SPATA13: variants seen among roughly 807,000 people sequenced by gnomAD.
SPATA13 encodes the protein spermatogenesis associated 13, also known as spermatogenesis-associated protein 13.
SPATA13 carries 50 observed loss-of-function variants against 104.0 expected under a neutral mutation model. That is an observed-to-expected ratio of 0.48 (90% confidence interval 0.38 to 0.61). SPATA13 has a LOEUF of 0.61. Among genes scored for constraint, SPATA13 ranks in the 20% least tolerant of loss-of-function variants. The pLI is 0.00. For missense variants in SPATA13, 1,524 were observed against 1,690.6 expected (o/e 0.90, Z 1.73); for synonymous variants, 606 against 667.5 (o/e 0.91, Z 1.42).
chr13:24,237,397 A>C (rs1872623286), intron 2 of SPATA13, among the ~76,000 whole-genome samples: 1 of 152,198 alleles, frequency 6.6e-6, no homozygotes, highest in Non-Finnish European at 1.5e-5. Context: ...ATGCTGCAGC[A>C]TGGCTGAACC....
rs886934434 is a variant in SPATA13 at position 24,294,840 on chromosome 13, G to A, written c.3182G>A (p.Arg1061His). The A allele has an allele frequency of 4.3e-6, 7 of 1,610,206 alleles. No individual in the cohort carries two copies. Among genetic ancestry groups the A allele is most frequent in the South Asian group, 3.3e-5 (3 of 90,972 alleles). The stretch of plus-strand genomic sequence containing the variant: ...CTGGAGAGCATCGACAAGATAGCTC[G>A]CTGGCAGGTGTCTATCGTGGGCTGG... ...RKLESIDKIARWQVSIVGWEG... is the reference protein window; with the variant it reads ...RKLESIDKIAHWQVSIVGWEG... Residue 1061 changes from arginine to histidine, a missense_variant, in exon 10 of 13, where the codon CGC (arginine) becomes CAC (histidine). Around this residue, in one of 2 missense-constraint regions of SPATA13, gnomAD observed 435 missense variants for 554.8 expected, o/e 0.78. Transcript: ENST00000382108.
intron 3 of SPATA13, among the ~76,000 whole-genome samples, chr13:24,078,120 C>T (rs1461372943): frequency 2.0e-5 from 3 of 152,190 alleles, no homozygotes; most frequent in Non-Finnish European, 4.4e-5. Flanking sequence ...GAGCTCTGCA[C>T]AGCTGCCTGC....
At chr13:24,158,855 G>A (rs965234675), upstream of SPATA13, among the ~76,000 whole-genome samples, 12 of 152,190 alleles carry the variant, frequency 7.9e-5, no homozygotes, top group Non-Finnish European at 1.5e-4. Context: ...GGCTTGTACA[G>A]GGCCTCAAGG....
At position 24,084,134 on chromosome 13, in the gene SPATA13, C is replaced by A. The variant is rs374790490; in HGVS notation, c.-112+66433C>A. Reference sequence around the variant, plus strand: ...CGTGACTAGAATTGTAATGAGCTCCCAAGCCTGATCCTAATTATCTTCCGT... The same window carrying A: ...CGTGACTAGAATTGTAATGAGCTCCAAAGCCTGATCCTAATTATCTTCCGT... On this transcript the variant is annotated intron_variant, in intron 3 of 14. Transcript: ENST00000424834. 5.9e-5 allele frequency among the ~76,000 whole-genome samples: 9 copies of A among 152,272 alleles called. No individual in the cohort carries two copies. The East Asian group carries it at 1.5e-3, about 26-fold the overall frequency.
At position 24,297,467 on chromosome 13, in the gene SPATA13, C is replaced by T; in HGVS notation, c.3315C>T (p.Asp1105=). ...KSQQRTFFLF[D]HQLVSCKKDL... ...AGCAGCGGACGTTCTTCCTGTTTGA[C>T]CACCAGCTGGTGTCCTGCAAGAAGG... Residue 1105 remains aspartate (D), a synonymous_variant, in exon 11 of 13, where the codon GAC becomes GAT. Coordinates refer to ENST00000382108, the MANE Select transcript of SPATA13 (RefSeq NM_001166271.3). The T allele has an allele frequency of 6.2e-7, 1 of 1,614,190 alleles. No individual in the cohort carries two copies. The highest frequency in any genetic ancestry group is 8.5e-7 in the Non-Finnish European group (1 of 1,180,044).
At chr13:24,295,975 C>A (rs924657498) in intron 10 of SPATA13, among the ~76,000 whole-genome samples, 2 of 152,142 alleles carry the variant, frequency 1.3e-5, no homozygotes, top group Admixed American at 1.3e-4. Flanking sequence ...GATCACTGTG[C>A]TCTACCGCCA....
At chr13:24,251,125 C>G (rs1355066870) in intron 3 of SPATA13, among the ~76,000 whole-genome samples, 1 of 152,180 alleles carries the variant, frequency 6.6e-6, no homozygotes, top group South Asian at 2.1e-4. Flanking sequence ...ATAAGAGAGA[C>G]CTGGGCAACT....
At chr13:24,003,867 A>G in intron 2 of SPATA13, among the ~76,000 whole-genome samples, 1 of 152,222 alleles carries the variant, frequency 6.6e-6, no homozygotes, top group Non-Finnish European at 1.5e-5. Flanking sequence ...AAAACACAAT[A>G]TACATCAGCA....
intron 4 of SPATA13, among the ~76,000 whole-genome samples, chr13:24,279,172 G>A (rs527683414): frequency 5.4e-4 from 83 of 152,312 alleles, no homozygotes; most frequent in South Asian, 8.3e-4. Flanking sequence ...GAGTGAGAGT[G>A]AGGGTTGTGG....
chr13:24,122,387 T>C lies in SPATA13; in HGVS notation c.-111-100432T>C, dbSNP rs1593343882. 1.8e-5 allele frequency: 28 copies of C among 1,575,280 alleles called. No individual in the cohort carries two copies. In the East Asian group the frequency reaches 6.3e-4, roughly 35 times the overall value. ...GGGTTATCTTCATCATCAATGATTG[T>C]GGAATAGCCTTCCAGAGCAGTCTCT... On this transcript the variant is annotated intron_variant, in intron 3 of 14. Transcript: ENST00000424834.
At chr13:24,243,956 A>G (rs1433475479) in intron 2 of SPATA13, among the ~76,000 whole-genome samples, 1 of 152,180 alleles carries the variant, frequency 6.6e-6, no homozygotes, top group Non-Finnish European at 1.5e-5. Flanking sequence ...ATCACCACAA[A>G]CTAGGTGGCT....
intron 1 of SPATA13, among the ~76,000 whole-genome samples, chr13:24,164,552 G>A (rs1013881752): frequency 2.0e-5 from 3 of 152,180 alleles, no homozygotes; most frequent in Non-Finnish European, 4.4e-5. Flanking sequence ...ATTTGCGTGA[G>A]GTATCCTCTG....
intron 3 of SPATA13, among the ~76,000 whole-genome samples, chr13:24,019,226 C>T (rs1448703493): frequency 2.0e-5 from 3 of 150,006 alleles, no homozygotes; most frequent in Non-Finnish European, 3.0e-5. Flanking sequence ...GTAGCTGGGA[C>T]TACAGGCGCC....
intron 2 of SPATA13, among the ~76,000 whole-genome samples, chr13:24,002,940 T>C (rs1876046580): frequency 6.6e-6 from 1 of 151,640 alleles, no homozygotes; most frequent in Non-Finnish European, 1.5e-5. Context: ...CAATGAAATA[T>C]TTTTCTTTTT....
At chr13:24,052,997 A>G (rs750207271) in intron 3 of SPATA13, among the ~76,000 whole-genome samples, 4 of 150,806 alleles carry the variant, frequency 2.7e-5, no homozygotes, top group African/African-American at 4.9e-5. Flanking sequence ...CTAATTCCCA[A>G]TTCTCTTGGA....
intron 2 of SPATA13, among the ~76,000 whole-genome samples, chr13:24,001,113 G>A (rs2137672640): frequency 6.6e-6 from 1 of 152,228 alleles, no homozygotes; most frequent in African/African-American, 2.4e-5. Flanking sequence ...GGCTGGCCGA[G>A]TGGCCTCTTC....
At chr13:24,041,535 G>T (rs1488891750) in intron 3 of SPATA13, among the ~76,000 whole-genome samples, 1 of 152,236 alleles carries the variant, frequency 6.6e-6, no homozygotes, top group African/African-American at 2.4e-5. Flanking sequence ...CAAATACCTT[G>T]TAGGTCAAAG....
intron 11 of SPATA13, among the ~76,000 whole-genome samples, chr13:24,299,000 C>T (rs1876990559): frequency 6.6e-6 from 1 of 152,136 alleles, no homozygotes; most frequent in Admixed American, 6.5e-5. Flanking sequence ...ATCTGATTCC[C>T]AGCAACAGCC....
chr13:24,219,581 A>C (rs1593430537), intron 1 of SPATA13, among the ~76,000 whole-genome samples: 1 of 152,224 alleles, frequency 6.6e-6, no homozygotes, highest in Non-Finnish European at 1.5e-5. Flanking sequence ...CAGCATTCTT[A>C]CCCTCAGAGA....
Sources: gnomAD v4.1 joint callset for allele counts (sites outside exome capture counted in the v4.1 genomes callset) on GRCh38, gnomAD v4.1.1 for gene constraint, gnomAD v4.1.1 regional missense constraint, MANE v1.5 for transcripts, NCBI Gene and HGNC (gene_info 2026-07-23, HGNC 2026-07-21) for gene names.